The following RIMS2 variants were observed in gnomAD, a reference collection of about 807,000 sequenced individuals.
RIMS2 encodes the protein regulating synaptic membrane exocytosis 2, also known as regulating synaptic membrane exocytosis protein 2.
Under a neutral mutation model 174.4 loss-of-function variants are expected in RIMS2, and 59 were observed. That is an observed-to-expected ratio of 0.34 (90% CI 0.27 to 0.42). RIMS2 has a LOEUF of 0.42. Among genes scored for constraint, RIMS2 ranks in the 10% least tolerant of loss-of-function variants. The pLI is 1.00. For missense variants in RIMS2, 1,620 were observed against 1,666.3 expected (o/e 0.97, Z 0.48); for synonymous variants, 606 against 572.5 (o/e 1.06, Z -0.84).
At chr8:103,745,331 C>A (rs1005857387) in intron 2 of RIMS2, among the ~76,000 whole-genome samples, 1 of 152,138 alleles carries the variant, frequency 6.6e-6, no homozygotes, top group Non-Finnish European at 1.5e-5. Flanking sequence ...GAATTACATT[C>A]CATTGTATGG....
intron 1 of RIMS2, among the ~76,000 whole-genome samples, chr8:103,632,390 G>C (rs2095950356): frequency 6.6e-6 from 1 of 151,996 alleles, no homozygotes; most frequent in Non-Finnish European, 1.5e-5. Context: ...GTGTTTTTTT[G>C]TCTTCAGTTC....
At chr8:103,788,476 T>C (rs2098464792) in intron 3 of RIMS2, among the ~76,000 whole-genome samples, 1 of 148,680 alleles carries the variant, frequency 6.7e-6, no homozygotes, top group South Asian at 2.2e-4. Flanking sequence ...TGTTTGTTAG[T>C]TTTCCTTCTA....
chr8:103,529,716 G>A (rs755789287), intron 1 of RIMS2, among the ~76,000 whole-genome samples: 42 of 152,190 alleles, frequency 2.8e-4, no homozygotes, highest in African/African-American at 9.2e-4. Context: ...CTTCCGTGTC[G>A]CTCACGCTGG....
intron 1 of RIMS2, among the ~76,000 whole-genome samples, chr8:103,572,203 G>C (rs1002217066): frequency 2.6e-5 from 4 of 152,114 alleles, no homozygotes; most frequent in Admixed American, 1.3e-4. Flanking sequence ...GCTCTTAAAG[G>C]TGCCGCGGAC....
chr8:103,852,116 G>A (rs894064628), intron 3 of RIMS2, among the ~76,000 whole-genome samples: 1 of 151,968 alleles, frequency 6.6e-6, no homozygotes, highest in South Asian at 2.1e-4. Flanking sequence ...TATTTTAACA[G>A]TAGGATTGTG....
chr8:104,198,069 G>C (rs886200603), intron 19 of RIMS2, among the ~76,000 whole-genome samples: 2 of 151,996 alleles, frequency 1.3e-5, no homozygotes, highest in African/African-American at 4.8e-5. Flanking sequence ...GCCTTTTTAT[G>C]GTTCAAAATC....
At chr8:103,860,575 A>G (rs1023662797) in intron 3 of RIMS2, among the ~76,000 whole-genome samples, 3 of 152,150 alleles carry the variant, frequency 2.0e-5, no homozygotes, top group East Asian at 1.9e-4. Context: ...AGTATTTAGC[A>G]AATAGTACAT....
At chr8:103,792,027 A>G (rs2098503966) in intron 3 of RIMS2, among the ~76,000 whole-genome samples, 1 of 152,202 alleles carries the variant, frequency 6.6e-6, no homozygotes, top group Admixed American at 6.5e-5. Context: ...CAGGAAGTTA[A>G]CAAGGATATC....
In RIMS2 at chr8:103,611,533, A is replaced by ATTT. The variant is rs71575975; in HGVS notation, c.177-85542_177-85540dup. ...TCAGCCTTTGTTTGTGTTGGGAGGA[A>ATTT]TTTTTTTTTTTTTGTCAGATGTAGT... On this transcript the variant is annotated intron_variant, in intron 1 of 23. Transcript: ENST00000504942. 2.9e-3 allele frequency among the ~76,000 whole-genome samples: 423 copies of ATTT among 146,136 alleles called. 3 individuals carry two copies. Among genetic ancestry groups the ATTT allele is most frequent in the Non-Finnish European group, 4.3e-3 (285 of 66,302 alleles).
intron 19 of RIMS2, among the ~76,000 whole-genome samples, chr8:104,198,097 A>G (rs1456458690): frequency 6.6e-6 from 1 of 152,222 alleles, no homozygotes; most frequent in Non-Finnish European, 1.5e-5. Context: ...CTTTTATGAC[A>G]TAATTACGGA....
intron 3 of RIMS2, among the ~76,000 whole-genome samples, chr8:103,809,205 C>G (rs2098670520): frequency 6.6e-6 from 1 of 151,376 alleles, no homozygotes. Context: ...TGGAATACTC[C>G]TTTGTCCCAC....
At position 103,510,220 on chromosome 8, in the gene RIMS2, A is replaced by G. The variant is rs115348393; in HGVS notation, c.176+9158A>G. Among the ~76,000 whole-genome samples, 298 of 152,258 alleles carry G rather than the reference A, an allele frequency of 2.0e-3. 4 individuals are homozygous for G. The highest frequency in any genetic ancestry group is 6.6e-3 in the African/African-American group (275 of 41,554). On this transcript the variant is annotated intron_variant, in intron 1 of 23. Coordinates refer to ENST00000504942, the Ensembl canonical transcript of RIMS2. ...ATAACTGGGTAGCAGAATAACCACA[A>G]TGGTGTTTGGTGCTTTGGTATTGTT...
chr8:103,903,190 T>A (rs1594850647), intron 4 of RIMS2, among the ~76,000 whole-genome samples: 1 of 152,184 alleles, frequency 6.6e-6, no homozygotes, highest in South Asian at 2.1e-4. Flanking sequence ...TCACAACTAA[T>A]TTTTTTCAAA....
At chr8:103,885,752 A>G (rs753372765) in exon 4 of RIMS2, 5 of 1,612,992 alleles carry the variant, frequency 3.1e-6, no homozygotes, top group South Asian at 1.1e-5. Flanking sequence ...CAGGATTTCT[A>G]TGCTAAGGAT....
Position 103,714,554 on chromosome 8 carries a change from A to G in RIMS2, c.387+17258A>G, listed in dbSNP as rs868827839. ...GGGATCAGAAAGATGGAATACCTCT[A>G]TCTAAAGAAGGATTCTGAGGGGAAA... On this transcript the variant is annotated intron_variant, in intron 2 of 23. Transcript: ENST00000504942. Among the ~76,000 whole-genome samples the G allele has an allele frequency of 5.3e-5, 8 of 152,176 alleles. No homozygotes were observed. In the South Asian group the frequency reaches 1.7e-3, roughly 31 times the overall value.
chr8:104,136,342 G>T (rs1476704107), intron 19 of RIMS2, among the ~76,000 whole-genome samples: 5 of 152,068 alleles, frequency 3.3e-5, no homozygotes, highest in Non-Finnish European at 7.4e-5. Context: ...TTGGAGTTTT[G>T]GAATGTTTTC....
At chr8:104,004,869 A>G (rs1343911093) in intron 17 of RIMS2, among the ~76,000 whole-genome samples, 1 of 151,542 alleles carries the variant, frequency 6.6e-6, no homozygotes. Flanking sequence ...AAGGATGCTA[A>G]TAGAGAGAAA....
intron 2 of RIMS2, among the ~76,000 whole-genome samples, chr8:103,756,039 C>G (rs1246369050): frequency 6.6e-6 from 1 of 152,172 alleles, no homozygotes; most frequent in African/African-American, 2.4e-5. Flanking sequence ...CTTTTCTGCT[C>G]TGGTTTCTCC....
At chr8:103,608,116 C>G (rs2095210142) in intron 1 of RIMS2, among the ~76,000 whole-genome samples, 1 of 149,316 alleles carries the variant, frequency 6.7e-6, no homozygotes, top group South Asian at 2.1e-4. Flanking sequence ...TGTTTTTTCC[C>G]CATCTTTGTG....
Sources: allele counts gnomAD v4.1 joint callset (sites outside exome capture counted in the v4.1 genomes callset), GRCh38; gene constraint gnomAD v4.1.1; transcripts MANE v1.5; gene names NCBI Gene and HGNC (gene_info 2026-07-23, HGNC 2026-07-21).